The following ZBTB20 variants were observed in gnomAD, a reference collection of about 807,000 sequenced individuals.
The protein encoded by ZBTB20 is zinc finger and BTB domain containing 20, also known as zinc finger and BTB domain-containing protein 20.
In ZBTB20, 9 loss-of-function variants were observed where a neutral mutation model predicts 56.9. The observed-to-expected ratio is 0.16, with a 90% confidence interval of 0.10 to 0.28. The LOEUF (loss-of-function observed/expected upper bound fraction) is 0.28. Among genes scored for constraint, ZBTB20 ranks in the 10% least tolerant of loss-of-function variants. ZBTB20 has a pLI of 1.00. For synonymous variants in ZBTB20, 417 were observed against 420.7 expected, an observed-to-expected ratio of 0.99 and a Z score of 0.11; for missense variants, 655 against 1,003.0, an observed-to-expected ratio of 0.65 and a Z score of 4.69.
chr3:114,844,541 AAAAAAAAAAAACTT>A (rs1412467067), intron 4 of ZBTB20, among the ~76,000 whole-genome samples: 4 of 140,518 alleles, frequency 2.8e-5, no homozygotes, highest in African/African-American at 1.1e-4. Flanking sequence ...AAAAAAAAAA[AAAAAAAAAAAACTT>A]TCATTTCTCT....
chr3:114,475,088 G>A (rs1609969), intron 7 of ZBTB20, among the ~76,000 whole-genome samples: 20,404 of 152,010 alleles, frequency 0.13, 1,653 homozygotes, highest in African/African-American at 0.23. Context: ...TACTTTTACC[G>A]CTTTATTTCC....
At chr3:114,439,703 T>C (rs1171567459) in intron 7 of ZBTB20, among the ~76,000 whole-genome samples, 1 of 152,176 alleles carries the variant, frequency 6.6e-6, no homozygotes, top group African/African-American at 2.4e-5. Context: ...GATAGACCAG[T>C]AGCTTGGCAG....
At chr3:114,584,514 C>A (rs2054974270) in intron 6 of ZBTB20, among the ~76,000 whole-genome samples, 1 of 151,578 alleles carries the variant, frequency 6.6e-6, no homozygotes, top group African/African-American at 2.4e-5. Flanking sequence ...GGGACAATAT[C>A]CCTAACTCTG....
At chr3:114,383,557 TG>T (rs2108557072) in intron 8 of ZBTB20, 1 of 152,280 alleles carries the variant, frequency 6.6e-6, no homozygotes, top group South Asian at 2.1e-4. Context: ...AAACAGGAAA[TG>T]TTAGCAACTC....
At chr3:114,880,161 G>A (rs925326832) in intron 4 of ZBTB20, among the ~76,000 whole-genome samples, 15 of 152,114 alleles carry the variant, frequency 9.9e-5, no homozygotes, top group Admixed American at 7.2e-4. Flanking sequence ...AAGTGGTCTC[G>A]ATCACTGAAT....
intron 6 of ZBTB20, among the ~76,000 whole-genome samples, chr3:114,669,419 ATAC>A (rs2061238703): frequency 6.6e-6 from 1 of 152,040 alleles, no homozygotes; most frequent in African/African-American, 2.4e-5. Context: ...TCTGGATACC[ATAC>A]TAAGGAAAAA....
At position 114,962,452 on chromosome 3, in the gene ZBTB20, T is replaced by C. The variant is rs189943431; in HGVS notation, c.-456+11914A>G. On this transcript the variant is annotated intron_variant, in intron 3 of 11. Coordinates refer to ENST00000675478, the MANE Select transcript of ZBTB20 (RefSeq NM_001348800.3). ...CACTCACTGCAGACAGACAGCCCGA[T>C]AGATTTTGAAGGAAATTCTAAGGCT... 7.9e-5 allele frequency among the ~76,000 whole-genome samples: 12 copies of C among 152,266 alleles called. No individual in the cohort carries two copies. In the East Asian group the frequency reaches 2.1e-3, roughly 27 times the overall value.
rs566692958 is a variant in ZBTB20 at position 115,132,220 on chromosome 3, T to A, written c.-703+14999A>T. ...TTTATGCATTTTAATATCTTTGTTT[T>A]CATATAGTTCCTGTACCTTTCTTGA... On this transcript the variant is annotated intron_variant, in intron 1 of 11. Transcript: ENST00000675478. 7.9e-5 allele frequency among the ~76,000 whole-genome samples: 12 copies of A among 152,334 alleles called. No homozygotes were observed. In the East Asian group the frequency reaches 1.7e-3, roughly 22 times the overall value.
chr3:114,711,599 T>A (rs1454263218), intron 5 of ZBTB20, among the ~76,000 whole-genome samples: 1 of 152,182 alleles, frequency 6.6e-6, no homozygotes, highest in African/African-American at 2.4e-5. Flanking sequence ...ATCTCTGAGT[T>A]TATAAAGGAG....
intron 7 of ZBTB20, among the ~76,000 whole-genome samples, chr3:114,445,064 CT>C (rs1325164247): frequency 6.6e-6 from 1 of 152,160 alleles, no homozygotes; most frequent in East Asian, 1.9e-4. Flanking sequence ...CTGACATTTG[CT>C]TTGTCAACGC....
chr3:114,747,524 A>T (rs1483922710), intron 5 of ZBTB20, among the ~76,000 whole-genome samples: 3 of 152,198 alleles, frequency 2.0e-5, no homozygotes, highest in African/African-American at 7.2e-5. Flanking sequence ...AGACTGAGCC[A>T]CTACACTCCA....
At chr3:115,142,487 CCT>C (rs551812123) in intron 1 of ZBTB20, among the ~76,000 whole-genome samples, 16 of 151,918 alleles carry the variant, frequency 1.1e-4, no homozygotes, top group Middle Eastern at 3.2e-3. Context: ...ATGGTGAAAC[CCT>C]GTCTCTACTA....
At chr3:114,899,725 A>G (rs915928464) in intron 4 of ZBTB20, among the ~76,000 whole-genome samples, 1 of 152,176 alleles carries the variant, frequency 6.6e-6, no homozygotes, top group Non-Finnish European at 1.5e-5. Context: ...CTCATATGAC[A>G]CAGCTGCAAG....
At chr3:114,724,256 C>A (rs932080566) in intron 5 of ZBTB20, among the ~76,000 whole-genome samples, 16 of 152,092 alleles carry the variant, frequency 1.1e-4, no homozygotes, top group Admixed American at 3.9e-4. Context: ...ATGGGGCTTC[C>A]ATTGTTCTCT....
intron 4 of ZBTB20, among the ~76,000 whole-genome samples, chr3:114,860,118 C>T (rs2107481607): frequency 6.6e-6 from 1 of 152,170 alleles, no homozygotes; most frequent in South Asian, 2.1e-4. Flanking sequence ...ACCATCCTGG[C>T]CAACAGGGTG....
Position 114,974,390 on chromosome 3 carries a change from C to T in ZBTB20, c.-480G>A, listed in dbSNP as rs1315459098. 1 of 152,016 alleles carries T rather than the reference C, an allele frequency of 6.6e-6. No individual in the cohort carries two copies. The highest frequency in any genetic ancestry group is 1.5e-5 in the Non-Finnish European group (1 of 67,948). 9.4% of individuals were successfully genotyped at this position (152,016 alleles called of 1,614,324 possible). A position where few individuals can be genotyped will look rare whatever the true frequency, so the allele number is the denominator to read the frequency against. ...CCTTCAGCCTTCAGAGTCCCAAAGG[C>T]AATTCTTAACACTTCTTTTTATTTG... On this transcript the variant is annotated 5_prime_UTR_variant, in exon 3 of 12. Transcript: ENST00000675478.
intron 4 of ZBTB20, among the ~76,000 whole-genome samples, chr3:114,898,633 C>G (rs1047542254): frequency 2.0e-5 from 3 of 152,094 alleles, no homozygotes; most frequent in Non-Finnish European, 2.9e-5. Flanking sequence ...TGATCAACTA[C>G]TATGTACAAG....
chr3:114,580,201 A>G (rs1311804904), intron 6 of ZBTB20, among the ~76,000 whole-genome samples: 1 of 151,712 alleles, frequency 6.6e-6, no homozygotes, highest in East Asian at 1.9e-4. Context: ...GAACTGTTTA[A>G]TATCAGGAAA....
intron 7 of ZBTB20, chr3:114,453,640 T>C (rs2091779169): frequency 6.6e-6 from 1 of 152,060 alleles, no homozygotes; most frequent in Admixed American, 6.6e-5. Context: ...CAACTTTTAT[T>C]GTGAGTAGAA....
Sources: gnomAD v4.1 joint callset for allele counts (sites outside exome capture counted in the v4.1 genomes callset) on GRCh38, gnomAD v4.1.1 for gene constraint, MANE v1.5 for transcripts, NCBI Gene and HGNC (gene_info 2026-07-23, HGNC 2026-07-21) for gene names.